VGLL1: variants seen among roughly 807,000 people sequenced by gnomAD.
VGLL1 encodes the protein vestigial like family member 1, also known as transcription cofactor vestigial-like protein 1.
In VGLL1, 4 loss-of-function variants were observed where a neutral mutation model predicts 12.0. The ratio of observed to expected loss-of-function variants is 0.33; its 90% confidence interval spans 0.16 to 0.76. The LOEUF (loss-of-function observed/expected upper bound fraction) is 0.76, where lower values mean the gene tolerates loss of function less well. Ranked by LOEUF, VGLL1 falls within the 30% of genes least tolerant of loss-of-function variation. VGLL1 has a pLI of 0.60. For missense variants in VGLL1, 204 were observed against 208.7 expected (o/e 0.98, Z 0.14); for synonymous variants, 87 against 81.2 (o/e 1.07, Z -0.39).
intron 4 of VGLL1, among the ~76,000 whole-genome samples, chrX:136,553,708 T>C (rs1191505976): frequency 8.9e-6 from 1 of 112,267 alleles, no homozygotes; most frequent in African/African-American, 3.2e-5. Flanking sequence ...AAAGATTTCC[T>C]ATGTGAGGCT....
At chrX:136,546,648 C>T (rs1395360231) in intron 2 of VGLL1, among the ~76,000 whole-genome samples, 1 of 112,214 alleles carries the variant, frequency 8.9e-6, no homozygotes, top group Non-Finnish European at 1.9e-5. Flanking sequence ...AGCATTCAGC[C>T]CCTAAGTCAT....
intron 4 of VGLL1, among the ~76,000 whole-genome samples, chrX:136,555,645 G>T (rs1034070215): frequency 1.8e-5 from 2 of 111,943 alleles, no homozygotes; most frequent in African/African-American, 6.5e-5. Flanking sequence ...TAAGGACACA[G>T]ATGCAAATTG....
chrX:136,554,888 T>G (rs1057331914), intron 4 of VGLL1, among the ~76,000 whole-genome samples: 1 of 112,524 alleles, frequency 8.9e-6, no homozygotes, highest in Non-Finnish European at 1.9e-5. Flanking sequence ...TTTAAACAGT[T>G]GTATATGTAA....
intron 2 of VGLL1, among the ~76,000 whole-genome samples, chrX:136,544,114 C>T (rs2075863677): frequency 9.0e-6 from 1 of 111,696 alleles, no homozygotes; most frequent in Non-Finnish European, 1.9e-5. Context: ...TTAAAAAATT[C>T]ATCAATGTCA....
chrX:136,537,712 A>G (rs967277569), intron 2 of VGLL1, among the ~76,000 whole-genome samples: 1 of 108,606 alleles, frequency 9.2e-6, no homozygotes, highest in African/African-American at 3.4e-5. Context: ...GGTATGCGCC[A>G]CCACACCCAG....
At chrX:136,536,840 G>A (rs942924055) in intron 2 of VGLL1, among the ~76,000 whole-genome samples, 4 of 112,198 alleles carry the variant, frequency 3.6e-5, no homozygotes, top group Non-Finnish European at 5.6e-5. Flanking sequence ...ACAAGGATTT[G>A]TTGAATGAGT....
chrX:136,546,355 G>C (rs925356122), intron 2 of VGLL1, among the ~76,000 whole-genome samples: 48 of 111,469 alleles, frequency 4.3e-4, no homozygotes, highest in African/African-American at 1.3e-3. Context: ...CAAATCCAGG[G>C]TCTCCACTCC....
At chrX:136,551,813 C>G (rs919679789) in intron 4 of VGLL1, among the ~76,000 whole-genome samples, 1 of 111,422 alleles carries the variant, frequency 9.0e-6, no homozygotes, top group Non-Finnish European at 1.9e-5. Flanking sequence ...GGGTGTGGTG[C>G]CTCACACATG....
At chrX:136,553,017 G>T (rs1220073504) in intron 4 of VGLL1, among the ~76,000 whole-genome samples, 2 of 111,771 alleles carry the variant, frequency 1.8e-5, no homozygotes, top group African/African-American at 3.3e-5. Context: ...GAGAGTAGTT[G>T]AGGAAAGGTG....
intron 4 of VGLL1, among the ~76,000 whole-genome samples, chrX:136,553,290 C>T (rs1335297479): frequency 2.8e-5 from 3 of 105,603 alleles, no homozygotes; most frequent in Admixed American, 2.0e-4. Context: ...ACTCAGTTGC[C>T]TCTTCATGTT....
rs1371541261 is a variant in VGLL1 at position 136,549,306 on chromosome X, G to A, written c.634+298G>A. ...AAATGATGGGCTGCTGCGTAATATC[G>A]CAGGGTCCTGTGTTTACCTCATTGG... On this transcript the variant is annotated intron_variant, in intron 3 of 4. Transcript: ENST00000370634. Among the ~76,000 whole-genome samples the A allele has an allele frequency of 3.6e-5, 4 of 111,384 alleles. No individual in the cohort carries two copies. In the East Asian group the frequency reaches 8.5e-4, roughly 24 times the overall value.
intron 2 of VGLL1, among the ~76,000 whole-genome samples, chrX:136,545,312 G>A (rs763717104): frequency 1.3e-4 from 15 of 111,947 alleles, no homozygotes; most frequent in Admixed American, 7.6e-4. Context: ...GTTTGTGTTA[G>A]TGAGTGTGTA....
At chrX:136,553,524 C>G (rs2075892957) in intron 4 of VGLL1, among the ~76,000 whole-genome samples, 1 of 111,277 alleles carries the variant, frequency 9.0e-6, no homozygotes, top group Non-Finnish European at 1.9e-5. Flanking sequence ...GTTGATCAGG[C>G]TGGTCTTGAA....
In VGLL1 at chrX:136,548,589, A is replaced by G; in HGVS notation, c.215A>G (p.Asp72Gly). ...TGTCTTCTAAATCTTTCCTTCTCAG[A>G]TGATAGCATGTCTCCAAATCAGTGG... The part of the protein sequence containing the change: ...SQSEGVMLKN[D>G]DSMSPNQWRY... The change falls in exon 3 of 5, where the codon GAT (aspartate) becomes GGT (glycine). Residue 72 changes from aspartate (D) to glycine (G), a missense_variant and splice_region_variant. Transcript: ENST00000370634. 8.3e-7 allele frequency: 1 copy of G among 1,207,779 alleles called. No homozygotes were observed. Among genetic ancestry groups the G allele is most frequent in the Non-Finnish European group, 1.1e-6 (1 of 892,343 alleles).
intron 2 of VGLL1, among the ~76,000 whole-genome samples, chrX:136,548,091 C>G (rs769222322): frequency 1.8e-5 from 2 of 111,688 alleles, no homozygotes; most frequent in African/African-American, 3.3e-5. Flanking sequence ...ACATCCGCCT[C>G]CTGGGCACAA....
chrX:136,548,661 C>A lies in VGLL1; in HGVS notation c.287C>A (p.Thr96Lys). Residue 96 changes from threonine (T) to lysine (K), a missense_variant, in exon 3 of 5, where the codon ACA becomes AAA. Thr to Lys is a moderately conservative substitution (Grantham distance 78, BLOSUM62 -1). Transcript: ENST00000370634. ...AAGCCACAACCAGAAGTACCTGTCA[C>A]AAACCGTGCCGCCAACTGCAACTTG... ...WTKPQPEVPVTNRAANCNLHV... is the reference protein window; with the variant it reads ...WTKPQPEVPVKNRAANCNLHV... The A allele has an allele frequency of 8.3e-7, 1 of 1,212,041 alleles. No homozygotes were observed. Among genetic ancestry groups the A allele is most frequent in the Non-Finnish European group, 1.1e-6 (1 of 895,567 alleles).
chrX:136,553,961 C>A (rs2148534041), intron 4 of VGLL1, among the ~76,000 whole-genome samples: 1 of 112,429 alleles, frequency 8.9e-6, no homozygotes, highest in South Asian at 3.7e-4. Context: ...TAGAAATAGA[C>A]ATACTGGTTA....
intron 4 of VGLL1, among the ~76,000 whole-genome samples, chrX:136,552,890 G>A (rs1293282016): frequency 1.8e-5 from 2 of 111,835 alleles, no homozygotes; most frequent in East Asian, 2.8e-4. Context: ...GTCTATCTGG[G>A]ACCAGGGCAC....
intron 4 of VGLL1, among the ~76,000 whole-genome samples, chrX:136,554,703 A>G (rs2075896588): frequency 8.9e-6 from 1 of 111,908 alleles, no homozygotes; most frequent in African/African-American, 3.3e-5. Context: ...TTTGAGATCT[A>G]TGTAGGAGGG....
Sources: gnomAD v4.1 joint callset for allele counts (sites outside exome capture counted in the v4.1 genomes callset) on GRCh38, gnomAD v4.1.1 for gene constraint, MANE v1.5 for transcripts, NCBI Gene and HGNC (gene_info 2026-07-23, HGNC 2026-07-21) for gene names.